The following NEU4 variants were observed in gnomAD, a reference collection of about 807,000 sequenced individuals.
NEU4 encodes sialidase-4.
A neutral mutation model predicts 9.9 loss-of-function variants in NEU4; 7 were observed. The observed-to-expected ratio is 0.71, with a 90% CI of 0.40 to 1.33. NEU4 has a LOEUF of 1.33. Ranked by LOEUF, NEU4 falls within the 40% of genes most tolerant of loss-of-function variation. The probability of loss-of-function intolerance (pLI) is 0.01; values close to 1 mark genes in which losing one functional copy is unlikely to be tolerated. For missense variants in NEU4, 717 were observed against 712.6 expected, an observed-to-expected ratio of 1.01 and a Z score of -0.07; for synonymous variants, 348 against 316.9, an observed-to-expected ratio of 1.10 and a Z score of -1.04.
At chr2:241,813,688 G>C (rs1390083300) in intron 1 of NEU4, 3 of 494,934 alleles carry the variant, frequency 6.1e-6, no homozygotes, top group Non-Finnish European at 1.1e-5. Flanking sequence ...CCTGCAGGTG[G>C]GAAGCACCAG....
rs997352901 is a variant in NEU4, at chr2:241,816,998, A to G, written c.1405A>G (p.Lys469Glu). ...CCTGGAGAACGTGCCCGCCAGCCCC[A>G]AACCGCCCAACCTTGGGGACAAGCC... ...EVLENVPASP[K>E]PPNLGDKPRG... Residue 469 changes from lysine to glutamate, a missense_variant, in exon 4 of 4, where the codon AAA becomes GAA. Transcript: ENST00000407683. The G allele has an allele frequency of 3.1e-6, 5 of 1,609,732 alleles. No individual in the cohort carries two copies. In the Admixed American group the frequency reaches 6.7e-5, roughly 22 times the overall value.
At position 241,817,331 on chromosome 2, in the gene NEU4, G is replaced by C; in HGVS notation, c.*283G>C. ...CTGCAGGGCCAGGCGCGGGACCGCA[G>C]GTAGCCCAGGGTGTTGTGGGTGGCA... On this transcript the variant is annotated 3_prime_UTR_variant, in exon 4 of 4. Coordinates refer to ENST00000407683, the MANE Select transcript of NEU4 (RefSeq NM_001167600.3). The C allele has an allele frequency of 2.2e-6, 1 of 452,718 alleles. No homozygotes were observed. Among genetic ancestry groups the C allele is most frequent in the East Asian group, 3.4e-5 (1 of 29,784 alleles). The allele number at this position is 452,718 out of a possible 1,614,324, so 28.0% of individuals were successfully genotyped here.
Position 241,816,143 on chromosome 2 carries a change from C to T in NEU4, c.550C>T (p.Arg184Ter), listed in dbSNP as rs767645970. The change falls in exon 4 of 4, where the codon CGA (arginine) becomes TGA (stop). Residue 184 changes from arginine to a stop codon, truncating the protein, a stop_gained. Transcript: ENST00000407683. LOFTEE classifies it low-confidence loss of function (END_TRUNC). ...VPAYTYRVDRRECFGKICRTS... is the reference protein window; with the variant it reads ...VPAYTYRVDR ...CGCCTACACCTACCGCGTGGACCGC[C>T]GAGAGTGTTTTGGCAAGATCTGCCG... The T allele has an allele frequency of 2.2e-5, 36 of 1,612,394 alleles. No homozygotes were observed. Among genetic ancestry groups the T allele is most frequent in the East Asian group, 4.5e-5 (2 of 44,842 alleles).
At chr2:241,811,743 G>T in intron 1 of NEU4, 1 of 378,940 alleles carries the variant, frequency 2.6e-6, no homozygotes, top group Non-Finnish European at 4.7e-6. Flanking sequence ...GGTTCCTGGG[G>T]GCAGATTCAG....
chr2:241,810,816 G>C, intron 1 of NEU4: 1 of 430,364 alleles, frequency 2.3e-6, no homozygotes, highest in South Asian at 1.1e-4. Flanking sequence ...GAATGGGACT[G>C]GCAGGAGTCC....
intron 1 of NEU4, among the ~76,000 whole-genome samples, chr2:241,812,619 A>G (rs1160136855): frequency 1.5e-5 from 1 of 68,394 alleles, no homozygotes; most frequent in Non-Finnish European, 3.9e-5. Flanking sequence ...GAGGACACAG[A>G]GTCTCTGTGG....
intron 1 of NEU4, chr2:241,809,939 TG>T (rs1185193983): frequency 3.9e-5 from 6 of 152,976 alleles, no homozygotes; most frequent in Non-Finnish European, 8.7e-5. Flanking sequence ...ACGTGGGGCT[TG>T]GAGGTCCCGT....
At chr2:241,812,486 C>CTGAGGA (rs1700154124) in intron 1 of NEU4, among the ~76,000 whole-genome samples, 2 of 61,936 alleles carry the variant, frequency 3.2e-5, no homozygotes, top group Non-Finnish European at 8.4e-5. Context: ...GAGGGGCCTG[C>CTGAGGA]CGAGGACACG....
chr2:241,814,717 G>A (rs1700250801), intron 2 of NEU4, 32 bp downstream of exon 2: 2 of 1,525,818 alleles, frequency 1.3e-6, no homozygotes, highest in African/African-American at 1.4e-5. Context: ...CTGTGTGGGT[G>A]TAGTGGCCGG....
At chr2:241,812,481 G>C (rs1039784280) in intron 1 of NEU4, among the ~76,000 whole-genome samples, 1 of 23,764 alleles carries the variant, frequency 4.2e-5, no homozygotes, top group Non-Finnish European at 1.3e-4. Context: ...AGACAGAGGG[G>C]CCTGCCGAGG....
chr2:241,814,367 G>A (rs1399242333), intron 1 of NEU4, 115 bp from the exon 2 acceptor site: 1 of 972,498 alleles, frequency 1.0e-6, no homozygotes, highest in Admixed American at 2.3e-5. Flanking sequence ...AAGAGGCCCA[G>A]GTGTGGGCAG....
At chr2:241,815,974 G>T (rs572356430) in intron 3 of NEU4, 77 bp from the exon 4 acceptor site, 2 of 1,375,022 alleles carry the variant, frequency 1.5e-6, no homozygotes, top group Non-Finnish European at 1.9e-6. Flanking sequence ...CTCCTTCCCC[G>T]TCCCCCTGTG....
rs1483361377 is a variant in NEU4, at chr2:241,816,326, C to T, written c.733C>T (p.Leu245=). 1.3e-6 allele frequency: 2 copies of T among 1,578,126 alleles called. No individual in the cohort carries two copies. The highest frequency in any genetic ancestry group is 4.7e-5 in the East Asian group (2 of 42,794). Residue 245 remains leucine (L), a synonymous_variant, in exon 4 of 4, where the codon CTG becomes TTG. Coordinates refer to ENST00000407683, the MANE Select transcript of NEU4 (RefSeq NM_001167600.3). ...SFLYCNARSP[L]GSRVQALSTD... The stretch of plus-strand genomic sequence containing the variant: ...CCTCTACTGCAATGCCCGGAGCCCA[C>T]TGGGCAGCCGTGTGCAGGCGCTCAG...
chr2:241,811,455 G>C, intron 1 of NEU4: 2 of 1,569,204 alleles, frequency 1.3e-6, no homozygotes, highest in Non-Finnish European at 8.7e-7. Flanking sequence ...CCTTCCCAAG[G>C]TGGCTGGTGA....
rs182769189 is a variant in NEU4, at chr2:241,814,671, G to C, written c.187G>C (p.Gly63Arg). 2,149 of 1,555,946 alleles carry C rather than the reference G, an allele frequency of 1.4e-3. 22 individuals are homozygous for C. The African/African-American group carries it at 0.015, about 11-fold the overall frequency. The change falls in exon 2 of 4, where the codon GGG becomes CGG. Residue 63 changes from glycine (G) to arginine (R), a missense_variant. By Grantham distance (125) the Gly-to-Arg change is moderately radical. Transcript: ENST00000407683. ...GGTGCTGAGGAGGGGCACGCTGGCC[G>C]GGGGCTCCGTGCGGGTGAGTGAGTG... ...RLVLRRGTLA[G>R]GSVRWGALHV...
chr2:241,812,857 C>T (rs997836692), intron 1 of NEU4, among the ~76,000 whole-genome samples: 3 of 152,188 alleles, frequency 2.0e-5, no homozygotes, highest in African/African-American at 7.2e-5. Flanking sequence ...GGTGCTGACA[C>T]CTGCTCCTGT....
Position 241,815,091 on chromosome 2 carries a change from T to A in NEU4, c.401T>A (p.Leu134His). The A allele has an allele frequency of 1.3e-6, 2 of 1,579,730 alleles. No homozygotes were observed. The highest frequency in any genetic ancestry group is 1.7e-6 in the Non-Finnish European group (2 of 1,169,058). The change falls in exon 3 of 4, where the codon CTC becomes CAC. Residue 134 changes from leucine (L) to histidine (H), a missense_variant. Physicochemically the swap from Leu to His is moderately conservative, Grantham distance 99. Transcript: ENST00000407683. ...TGTGTGGCCAGCCGTGACGCCGGCC[T>A]CTCGTGGGGCAGCGCCCGGGACCTC... ...LCCVASRDAG[L>H]SWGSARDLTE...
intron 3 of NEU4, 107 bp from the exon 4 acceptor site, chr2:241,815,944 C>A: frequency 8.6e-7 from 1 of 1,167,664 alleles, no homozygotes; most frequent in Non-Finnish European, 1.2e-6. Context: ...TGCGATGGTC[C>A]TAACCCGAGG....
chr2:241,815,142 T>G lies in NEU4; in HGVS notation c.452T>G (p.Val151Gly). The part of the protein sequence containing the change: ...DLTEEAIGGA[V>G]QDWATFAVGP... The stretch of plus-strand genomic sequence containing the variant: ...ACCGAGGAGGCCATCGGTGGTGCCG[T>G]GCAGGGTAGGCGGGCAGGGTGCCGG... The change falls in exon 3 of 4, where the codon GTG (valine) becomes GGG (glycine). Residue 151 changes from valine to glycine, a missense_variant. Val to Gly is a moderately radical substitution (Grantham distance 109, BLOSUM62 -3). Transcript: ENST00000407683. 6.4e-7 allele frequency: 1 copy of G among 1,556,736 alleles called. No homozygotes were observed. Among genetic ancestry groups the G allele is most frequent in the Admixed American group, 1.8e-5 (1 of 56,840 alleles).
Sources: gnomAD v4.1 joint callset for allele counts (sites outside exome capture counted in the v4.1 genomes callset) on GRCh38, gnomAD v4.1.1 for gene constraint, MANE v1.5 for transcripts, NCBI Gene and HGNC (gene_info 2026-07-23, HGNC 2026-07-21) for gene names.